SPTAN1: variants seen among roughly 807,000 people sequenced by gnomAD.
SPTAN1 encodes the protein spectrin alpha, non-erythrocytic 1, also known as spectrin alpha chain, non-erythrocytic 1.
A neutral mutation model predicts 331.3 loss-of-function variants in SPTAN1; 61 were observed. The observed-to-expected ratio is 0.18, with a 90% CI of 0.15 to 0.23. The LOEUF (loss-of-function observed/expected upper bound fraction) is 0.23. Ranked by LOEUF, SPTAN1 falls within the 10% of genes least tolerant of loss-of-function variation. The pLI is 1.00. For synonymous variants in SPTAN1, 1,153 were observed against 1,173.9 expected (o/e 0.98, Z 0.36); for missense variants, 2,043 against 3,147.9 (o/e 0.65, Z 8.40).
chr9:128,623,240 T>C (rs957657913), intron 45 of SPTAN1, among the ~76,000 whole-genome samples: 1 of 140,070 alleles, frequency 7.1e-6, no homozygotes, highest in African/African-American at 2.7e-5. Context: ...TCTTTTTTTC[T>C]TTTTTTTTTT....
intron 1 of SPTAN1, among the ~76,000 whole-genome samples, chr9:128,560,382 C>CT (rs1366002329): frequency 0.044 from 5,681 of 128,426 alleles, 159 homozygotes; most frequent in African/African-American, 0.071. Context: ...CCGTGCCCGC[C>CT]TTTTTTTTTT....
intron 43 of SPTAN1, 106 bp from the exon 44 acceptor site, chr9:128,618,765 G>C (rs183044273): frequency 6.4e-7 from 1 of 1,562,962 alleles, no homozygotes; most frequent in Non-Finnish European, 8.8e-7. Flanking sequence ...TTGCAGGCAT[G>C]AGCCACCATG....
chr9:128,605,598 C>G (rs933019070), intron 31 of SPTAN1, 121 bp downstream of exon 31: 4 of 1,304,836 alleles, frequency 3.1e-6, no homozygotes, highest in Non-Finnish European at 3.2e-6. Context: ...AATCCAAGCA[C>G]TTTGGGGGGC....
At position 128,583,089 on chromosome 9, in the gene SPTAN1, C is replaced by T. The variant is rs1317647496; in HGVS notation, c.1819C>T (p.Leu607=). The change falls in exon 15 of 57, where the codon CTA becomes TTA. Residue 607 remains leucine (L), a synonymous_variant. Transcript: ENST00000372739. ...TDEAYKDPSN[L]QGKVQKHQAF... is the part of the protein sequence containing the mutation. ...CTTTTATTCACAGGATCCATCCAAC[C>T]TACAAGGAAAAGTACAGAAGCATCA... 3.1e-6 allele frequency: 5 copies of T among 1,613,960 alleles called. No individual in the cohort carries two copies. The highest frequency in any genetic ancestry group is 4.2e-6 in the Non-Finnish European group (5 of 1,180,026).
In SPTAN1 at chr9:128,605,322, G is replaced by A. The variant is rs774930310; in HGVS notation, c.3891G>A (p.Glu1297=). The A allele has an allele frequency of 1.2e-6, 2 of 1,614,180 alleles. No homozygotes were observed. Among genetic ancestry groups the A allele is most frequent in the Non-Finnish European group, 1.7e-6 (2 of 1,180,046 alleles). Residue 1297 remains glutamate (E), a synonymous_variant, in exon 31 of 57, where the codon GAG becomes GAA. Coordinates refer to ENST00000372739, the MANE Select transcript of SPTAN1 (RefSeq NM_001130438.3). ...TAAACTCCCTTGGTGAAACAGCAGA[G>A]CGCCTGATCCAGTCCCATCCCGAGT... The part of the protein sequence containing the change: ...DKVNSLGETA[E]RLIQSHPESA...
intron 10 of SPTAN1, 81 bp downstream of exon 10, chr9:128,579,819 T>C: frequency 1.7e-6 from 2 of 1,163,004 alleles, no homozygotes; most frequent in South Asian, 2.6e-5. Context: ...CATCCTTAAA[T>C]ATCCAGAGAA....
intron 10 of SPTAN1, 118 bp from the exon 11 acceptor site, chr9:128,580,804 C>T (rs535138339): frequency 4.5e-5 from 65 of 1,438,170 alleles, no homozygotes; most frequent in Middle Eastern, 4.9e-4. Flanking sequence ...TTTTGCAAAT[C>T]GGAAAAAAGG....
Position 128,608,002 on chromosome 9 carries a change from G to A in SPTAN1, c.4297G>A (p.Ala1433Thr). Reference sequence around the variant, plus strand: ...CCAGGAGCGTGCAGACCTGGAGAAGGCCTGGGTTCAGCGCAGGATGATGCT... The same window carrying A: ...CCAGGAGCGTGCAGACCTGGAGAAGACCTGGGTTCAGCGCAGGATGATGCT... ...LDQERADLEK[A>T]WVQRRMMLDQ... The change falls in exon 33 of 57, where the codon GCC becomes ACC. Residue 1433 changes from alanine (A) to threonine (T), a missense_variant. Physicochemically the swap from Ala to Thr is moderately conservative, Grantham distance 58. Transcript: ENST00000372739. 6.2e-7 allele frequency: 1 copy of A among 1,614,136 alleles called. No individual in the cohort carries two copies. Among genetic ancestry groups the A allele is most frequent in the Non-Finnish European group, 8.5e-7 (1 of 1,180,024 alleles).
intron 28 of SPTAN1, 83 bp from the exon 29 acceptor site, chr9:128,604,243 A>G: frequency 7.1e-7 from 1 of 1,409,040 alleles, no homozygotes; most frequent in Non-Finnish European, 1.0e-6. Flanking sequence ...CATCTCCTTC[A>G]AACAAAGTCA....
chr9:128,597,184 T>C (rs959560327), intron 24 of SPTAN1, among the ~76,000 whole-genome samples: 2 of 151,510 alleles, frequency 1.3e-5, no homozygotes, highest in African/African-American at 2.4e-5. Flanking sequence ...AGAAAAAAAA[T>C]TTTTCTGTAG....
chr9:128,595,557 A>G (rs1044469280), intron 24 of SPTAN1, among the ~76,000 whole-genome samples: 1 of 151,296 alleles, frequency 6.6e-6, no homozygotes, highest in South Asian at 2.1e-4. Flanking sequence ...TTTTTTTTTA[A>G]TTGGGGTAAA....
rs1484948707 is a variant in SPTAN1 at position 128,627,273 on chromosome 9, C to G, written c.6577-113C>G. On this transcript the variant is annotated intron_variant, in intron 49 of 56. Transcript: ENST00000372739. The surrounding 1 kb of genome is among the most constrained non-coding windows in gnomAD (Gnocchi z 4.9). ...ATGTCTCCCAGCCTCCTCCTCTCAT[C>G]TTTGGGGAGGTTCCTTGTGGGGAGG... 2 of 907,874 alleles carry G rather than the reference C, an allele frequency of 2.2e-6. No individual in the cohort carries two copies. The highest frequency in any genetic ancestry group is 3.3e-5 in the African/African-American group (2 of 60,648). 56.2% of individuals were successfully genotyped at this position (907,874 alleles called of 1,614,324 possible).
intron 31 of SPTAN1, 126 bp downstream of exon 31, chr9:128,605,603 G>A (rs894709290): frequency 9.5e-6 from 12 of 1,263,160 alleles, no homozygotes; most frequent in South Asian, 9.0e-5. Context: ...AAGCACTTTG[G>A]GGGGCCAAGG....
At chr9:128,604,999 T>G (rs1855641414) in intron 29 of SPTAN1, 35 bp from the exon 30 acceptor site, 2 of 1,613,624 alleles carry the variant, frequency 1.2e-6, no homozygotes, top group Non-Finnish European at 1.7e-6. Flanking sequence ...CAGTTGTACT[T>G]GGCATTTCTT....
intron 26 of SPTAN1, chr9:128,599,685 TAA>T (rs5900811): frequency 0.031 from 3,876 of 124,016 alleles, 87 homozygotes; most frequent in African/African-American, 0.09. Flanking sequence ...AGCACAGCTC[TAA>T]AAAAAAAAAA....
intron 1 of SPTAN1, chr9:128,555,377 C>T (rs1394333375): frequency 3.9e-6 from 5 of 1,289,608 alleles, no homozygotes; most frequent in South Asian, 3.7e-5. Context: ...ATGTTGTCAT[C>T]GTTTCGTAAA....
intron 1 of SPTAN1, among the ~76,000 whole-genome samples, chr9:128,562,990 GTGTATATATATATATATA>G (rs1263911594): frequency 5.6e-4 from 1 of 1,792 alleles, no homozygotes; most frequent in African/African-American, 7.7e-4. Context: ...ATACATGTAT[GTGTATATATATATATATA>G]TATATATATA....
intron 3 of SPTAN1, among the ~76,000 whole-genome samples, chr9:128,571,151 G>A (rs147736685): frequency 1.4e-4 from 21 of 152,204 alleles, no homozygotes; most frequent in Non-Finnish European, 2.5e-4. Context: ...TTAGTGGGGC[G>A]TGGTGGTGCA....
chr9:128,562,264 G>A lies in SPTAN1; in HGVS notation c.-3-4474G>A, dbSNP rs549567531. On this transcript the variant is annotated intron_variant, in intron 1 of 56. Coordinates refer to ENST00000372739, the MANE Select transcript of SPTAN1 (RefSeq NM_001130438.3). Reference sequence around the variant, plus strand: ...GCTACAGGCGCGTGCCACCACACCCGGCTAATTTTTGTATTTTTAGTAGAG... The same window carrying A: ...GCTACAGGCGCGTGCCACCACACCCAGCTAATTTTTGTATTTTTAGTAGAG... 5.3e-5 allele frequency among the ~76,000 whole-genome samples: 8 copies of A among 152,124 alleles called. No individual in the cohort carries two copies. In the East Asian group the frequency reaches 5.8e-4, roughly 11 times the overall value.
Sources: gnomAD v4.1 joint callset for allele counts (sites outside exome capture counted in the v4.1 genomes callset) on GRCh38, gnomAD v4.1.1 for gene constraint, Gnocchi (gnomAD v3.1) non-coding constraint, MANE v1.5 for transcripts, NCBI Gene and HGNC (gene_info 2026-07-23, HGNC 2026-07-21) for gene names.